SECISBP2L: variants seen among roughly 807,000 people sequenced by gnomAD.
SECISBP2L encodes the protein SECIS binding protein 2 like.
Under a neutral mutation model 114.7 loss-of-function variants are expected in SECISBP2L, and 43 were observed. The ratio of observed to expected loss-of-function variants is 0.38; its 90% CI spans 0.29 to 0.48. The LOEUF (loss-of-function observed/expected upper bound fraction) is 0.48. Ranked by LOEUF, SECISBP2L falls within the 20% of genes least tolerant of loss-of-function variation. The pLI, the probability that SECISBP2L is intolerant of heterozygous loss-of-function variation, is 0.98. For missense variants in SECISBP2L, 1,136 were observed against 1,301.1 expected (o/e 0.87, Z 1.95); for synonymous variants, 451 against 439.7 (o/e 1.03, Z -0.32).
At chr15:49,021,136 G>A (rs1312113695) in intron 7 of SECISBP2L, among the ~76,000 whole-genome samples, 2 of 151,962 alleles carry the variant, frequency 1.3e-5, no homozygotes, top group East Asian at 1.9e-4. Flanking sequence ...CCCCAGAGAC[G>A]CCTTCACCCC....
intron 1 of SECISBP2L, among the ~76,000 whole-genome samples, chr15:49,044,152 T>C (rs1187710193): frequency 2.6e-5 from 4 of 152,082 alleles, no homozygotes; most frequent in African/African-American, 4.8e-5. Context: ...ATGTCAACAC[T>C]GGTCTAAAGG....
At chr15:48,999,034 A>AAT (rs1404989129) in intron 16 of SECISBP2L, among the ~76,000 whole-genome samples, 8 of 152,240 alleles carry the variant, frequency 5.3e-5, no homozygotes, top group Non-Finnish European at 1.0e-4. Flanking sequence ...GTGCTATGCT[A>AAT]AACGTGACAA....
chr15:49,025,407 C>T (rs1902720117), intron 7 of SECISBP2L, among the ~76,000 whole-genome samples: 3 of 152,092 alleles, frequency 2.0e-5, no homozygotes, highest in Non-Finnish European at 2.9e-5. Context: ...AGACTAAACA[C>T]GAAATTCACT....
At chr15:49,040,170 A>G (rs1903094215) in intron 1 of SECISBP2L, among the ~76,000 whole-genome samples, 1 of 152,218 alleles carries the variant, frequency 6.6e-6, no homozygotes, top group Admixed American at 6.5e-5. Context: ...GGTATTATGT[A>G]TAATTCAAAA....
intron 15 of SECISBP2L, among the ~76,000 whole-genome samples, chr15:49,000,537 T>C (rs1383202279): frequency 6.6e-6 from 1 of 152,184 alleles, no homozygotes; most frequent in African/African-American, 2.4e-5. Context: ...AAACTGCTGG[T>C]TTCTCAGAGA....
intron 1 of SECISBP2L, among the ~76,000 whole-genome samples, chr15:49,044,493 G>C (rs543451835): frequency 6.6e-6 from 1 of 152,102 alleles, no homozygotes; most frequent in Admixed American, 6.5e-5. Context: ...ACTGCCTATC[G>C]CATAAATGAG....
chr15:49,034,981 G>A (rs1174613124), intron 3 of SECISBP2L, among the ~76,000 whole-genome samples: 1 of 151,870 alleles, frequency 6.6e-6, no homozygotes, highest in Non-Finnish European at 1.5e-5. Context: ...ATCTTGAAGT[G>A]CATTAGCCAT....
chr15:49,019,746 T>C (rs981677695), intron 7 of SECISBP2L, 194 bp from the exon 8 acceptor site: 1 of 411,222 alleles, frequency 2.4e-6, no homozygotes, highest in African/African-American at 2.1e-5. Context: ...AATGAGACAA[T>C]TAATCCACAT....
At chr15:49,009,106 C>A in intron 14 of SECISBP2L, 110 bp downstream of exon 14, 1 of 1,183,226 alleles carries the variant, frequency 8.5e-7, no homozygotes, top group South Asian at 1.5e-5. Flanking sequence ...AGTTAAAGAT[C>A]TCTGGTCTTT....
intron 1 of SECISBP2L, among the ~76,000 whole-genome samples, chr15:49,041,577 T>C (rs1435949035): frequency 6.6e-6 from 1 of 152,152 alleles, no homozygotes; most frequent in Non-Finnish European, 1.5e-5. Context: ...GCAGAGAATG[T>C]ACACTAAATT....
At chr15:49,009,125 T>C (rs1043962633) in intron 14 of SECISBP2L, 91 bp downstream of exon 14, 60 of 1,360,474 alleles carry the variant, frequency 4.4e-5, no homozygotes, top group Non-Finnish European at 6.1e-5. Context: ...TTTGTCTGCT[T>C]GACTCACTGA....
rs1902084729 is a variant in SECISBP2L, at chr15:48,996,400, C to G, written c.2590G>C (p.Glu864Gln). 1 of 1,613,926 alleles carries G rather than the reference C, an allele frequency of 6.2e-7. No homozygotes were observed. The highest frequency in any genetic ancestry group is 1.3e-5 in the African/African-American group (1 of 74,898). ...SAISFCSVIS[E>Q]PISEVNEKEY... ...TTTTCATTTACTTCAGAGATCGGTTCAGAAATAACACTGCAGAAAGAAATG... is the reference window on the plus strand; with the variant it reads ...TTTTCATTTACTTCAGAGATCGGTTGAGAAATAACACTGCAGAAAGAAATG... Residue 864 changes from glutamate (E) to glutamine (Q), a missense_variant, in exon 17 of 18, where the codon GAA (glutamate) becomes CAA (glutamine). Around this residue, in one of 2 missense-constraint regions of SECISBP2L, gnomAD observed 684 missense variants for 848.7 expected, o/e 0.81. Transcript: ENST00000559471.
intron 11 of SECISBP2L, among the ~76,000 whole-genome samples, chr15:49,015,238 C>T (rs1351407366): frequency 6.6e-6 from 1 of 152,064 alleles, no homozygotes; most frequent in East Asian, 1.9e-4. Context: ...TAGGGCATAC[C>T]GCCTCCAGAA....
chr15:49,001,119 G>C (rs1376612464), intron 14 of SECISBP2L, 22 bp from the exon 15 acceptor site: 2 of 1,521,808 alleles, frequency 1.3e-6, no homozygotes, highest in Admixed American at 2.0e-5. Flanking sequence ...AACCAAAATG[G>C]GTAACTCCAT....
chr15:48,993,009 G>C (rs978346632), intron 17 of SECISBP2L, 83 bp from the exon 18 acceptor site: 8 of 1,190,120 alleles, frequency 6.7e-6, no homozygotes, highest in South Asian at 1.5e-5. Context: ...AAAAAAGAAA[G>C]AACAACAAAA....
chr15:49,022,453 G>C (rs547872515), intron 7 of SECISBP2L, among the ~76,000 whole-genome samples: 91 of 152,264 alleles, frequency 6.0e-4, no homozygotes, highest in African/African-American at 2.2e-3. Flanking sequence ...ACAAAAATTA[G>C]CCACGTGTGG....
At position 49,012,833 on chromosome 15, in the gene SECISBP2L, A is replaced by T. The variant is rs764109922; in HGVS notation, c.1562-16T>A. On this transcript the variant is annotated splice_polypyrimidine_tract_variant and intron_variant, in intron 11 of 17. Coordinates refer to ENST00000559471, the MANE Select transcript of SECISBP2L (RefSeq NM_001193489.2). ...GCAGTAACCACTAAAAACAAAGAGG[A>T]ACATTAGTTTCACCATTAGGGCCAA... The T allele has an allele frequency of 3.8e-6, 6 of 1,597,566 alleles. No individual in the cohort carries two copies. The highest frequency in any genetic ancestry group is 5.1e-6 in the Non-Finnish European group (6 of 1,175,516).
At chr15:49,044,493 G>A (rs543451835) in intron 1 of SECISBP2L, among the ~76,000 whole-genome samples, 1 of 152,220 alleles carries the variant, frequency 6.6e-6, no homozygotes, top group East Asian at 1.9e-4. Flanking sequence ...ACTGCCTATC[G>A]CATAAATGAG....
In SECISBP2L at chr15:49,031,053, TTTTTTTTC is replaced by T. The variant is rs1353188364; in HGVS notation, c.664+1904_664+1911del. On this transcript the variant is annotated intron_variant, in intron 4 of 17. Coordinates refer to ENST00000559471, the MANE Select transcript of SECISBP2L (RefSeq NM_001193489.2). ...TATCATTTTCTTTTTTTTTTTTTTT[TTTTTTTTC>T]CCTTTTGAGACAGAGTCTTTCTCAG... Among the ~76,000 whole-genome samples the T allele has an allele frequency of 2.4e-3, 311 of 128,724 alleles. 1 individual carries two copies. The highest frequency in any genetic ancestry group is 9.3e-3 in the African/African-American group (284 of 30,622). The allele number at this position is 128,724 out of a possible 152,430, so 84.4% of individuals were successfully genotyped here.
Sources: allele counts gnomAD v4.1 joint callset (sites outside exome capture counted in the v4.1 genomes callset), GRCh38; gene constraint gnomAD v4.1.1; regional missense constraint gnomAD v4.1.1; transcripts MANE v1.5; gene names NCBI Gene and HGNC (gene_info 2026-07-23, HGNC 2026-07-21).